Variants in COL27A1 observed in about 807,000 individuals in gnomAD.
The protein encoded by COL27A1 is collagen type XXVII alpha 1 chain, also known as collagen alpha-1(XXVII) chain.
Under a neutral mutation model 251.3 loss-of-function variants are expected in COL27A1, and 106 were observed. That is an observed-to-expected ratio of 0.42 (90% confidence interval 0.36 to 0.50). The LOEUF (loss-of-function observed/expected upper bound fraction) is 0.50, where lower values mean the gene tolerates loss of function less well. COL27A1 is among the 20% of genes least tolerant of loss of function. The probability of loss-of-function intolerance (pLI) is 0.00; values close to 1 mark genes in which losing one functional copy is unlikely to be tolerated. For synonymous variants in COL27A1, 1,000 were observed against 986.3 expected, an observed-to-expected ratio of 1.01 and a Z score of -0.26; for missense variants, 2,325 against 2,522.8, an observed-to-expected ratio of 0.92 and a Z score of 1.68.
chr9:114,245,214 G>T (rs1221338070), intron 23 of COL27A1, among the ~76,000 whole-genome samples: 1 of 144,260 alleles, frequency 6.9e-6, no homozygotes, highest in Non-Finnish European at 1.5e-5. Context: ...GGAGTACAGT[G>T]GTGCAATCTC....
chr9:114,256,415 C>A (rs1450346632), intron 27 of COL27A1, among the ~76,000 whole-genome samples: 1 of 152,194 alleles, frequency 6.6e-6, no homozygotes, highest in African/African-American at 2.4e-5. Context: ...ATGGTGTGAA[C>A]CTGGGAGGCG....
chr9:114,262,354 A>C (rs1188055025), intron 28 of COL27A1, among the ~76,000 whole-genome samples: 2 of 152,214 alleles, frequency 1.3e-5, no homozygotes, highest in African/African-American at 2.4e-5. Flanking sequence ...CGTAATGCCC[A>C]CTAGAGATGG....
intron 59 of COL27A1, 77 bp downstream of exon 59, chr9:114,307,855 G>C: frequency 9.7e-7 from 1 of 1,026,562 alleles, no homozygotes; most frequent in East Asian, 2.4e-5. Flanking sequence ...AACCAACCCA[G>C]GTTCTGTTCT....
At chr9:114,181,328 G>T (rs868242802) in intron 4 of COL27A1, among the ~76,000 whole-genome samples, 2 of 152,290 alleles carry the variant, frequency 1.3e-5, no homozygotes, top group South Asian at 4.1e-4. Context: ...AACTCCCCAG[G>T]CTCAGTGTGC....
intron 28 of COL27A1, among the ~76,000 whole-genome samples, chr9:114,263,403 C>G (rs1834494011): frequency 6.6e-6 from 1 of 152,122 alleles, no homozygotes; most frequent in Non-Finnish European, 1.5e-5. Flanking sequence ...GGGCTGGCCT[C>G]CTCCACAGGA....
intron 23 of COL27A1, among the ~76,000 whole-genome samples, chr9:114,245,581 A>G (rs1234039749): frequency 2.0e-5 from 3 of 152,162 alleles, no homozygotes; most frequent in East Asian, 1.9e-4. Context: ...ACAAAATGCA[A>G]TGGGCTTCTG....
chr9:114,269,140 C>T, intron 34 of COL27A1, 101 bp from the exon 35 acceptor site: 3 of 700,198 alleles, frequency 4.3e-6, no homozygotes, highest in South Asian at 2.5e-5. Flanking sequence ...CCAGCTCCTC[C>T]TCCCACACCC....
Position 114,310,779 on chromosome 9 carries a change from C to T in COL27A1, c.*84C>T, listed in dbSNP as rs950094474. 1 of 1,449,922 alleles carries T rather than the reference C, an allele frequency of 6.9e-7. No homozygotes were observed. Among genetic ancestry groups the T allele is most frequent in the Non-Finnish European group, 9.5e-7 (1 of 1,054,522 alleles). 89.8% of individuals were successfully genotyped at this position (1,449,922 alleles called of 1,614,324 possible). On this transcript the variant is annotated 3_prime_UTR_variant, in exon 61 of 61. Transcript: ENST00000356083. The stretch of plus-strand genomic sequence containing the variant: ...GAGGGTACTGAGGGGCAGATGGCTC[C>T]AGGAGAGGCAGCTCCCCTGCCCAAG...
Position 114,288,800 on chromosome 9 carries a change from G to C in COL27A1, c.4098+45G>C, listed in dbSNP as rs750111770. 36 of 1,602,686 alleles carry C rather than the reference G, an allele frequency of 2.2e-5. No individual in the cohort carries two copies. In the Admixed American group the frequency reaches 2.5e-4, roughly 11 times the overall value. Reference sequence around the variant, plus strand: ...CCTGCTGGCAGGATCGGGCATGTCAGGGAGAGGGGGGATGACACATGTCTA... The same window carrying C: ...CCTGCTGGCAGGATCGGGCATGTCACGGAGAGGGGGGATGACACATGTCTA... On this transcript the variant is annotated intron_variant, in intron 43 of 60. Coordinates refer to ENST00000356083, the MANE Select transcript of COL27A1 (RefSeq NM_032888.4).
Position 114,275,643 on chromosome 9 carries a change from T to G in COL27A1, c.3610-18T>G, listed in dbSNP as rs374625430. On this transcript the variant is annotated intron_variant, in intron 36 of 60. Transcript: ENST00000356083. ...CTTATTCTCTCTCTCTCTCCCCTCT[T>G]CATGCCCTGCCACCCAGGGGGACAG... The G allele has an allele frequency of 2.9e-4, 442 of 1,518,594 alleles. 4 individuals carry two copies. The African/African-American group carries it at 5.5e-3, about 19-fold the overall frequency. The allele number at this position is 1,518,594 out of a possible 1,614,324, so 94.1% of individuals were successfully genotyped here.
At chr9:114,308,374 C>T (rs1829208599) in intron 59 of COL27A1, among the ~76,000 whole-genome samples, 4 of 152,248 alleles carry the variant, frequency 2.6e-5, no homozygotes, top group Admixed American at 2.6e-4. Flanking sequence ...GCTGCTCCGA[C>T]TGCGGGGGAA....
At chr9:114,265,287 TG>T in intron 31 of COL27A1, 134 bp from the exon 32 acceptor site, 1 of 1,106,792 alleles carries the variant, frequency 9.0e-7, no homozygotes, top group Non-Finnish European at 1.3e-6. Flanking sequence ...CTCTCTTCTC[TG>T]GGTCTCAGCC....
At chr9:114,199,220 G>T (rs1363970747) in intron 7 of COL27A1, among the ~76,000 whole-genome samples, 1 of 152,116 alleles carries the variant, frequency 6.6e-6, no homozygotes, top group Non-Finnish European at 1.5e-5. Flanking sequence ...AGTTGGCAGT[G>T]TCTGGAGATA....
At chr9:114,218,677 A>G (rs1276388322) in intron 12 of COL27A1, 4 of 152,168 alleles carry the variant, frequency 2.6e-5, no homozygotes, top group Non-Finnish European at 5.9e-5. Flanking sequence ...ATCCAAGAGG[A>G]CTTCCTGGCA....
chr9:114,155,621 G>A lies in COL27A1; in HGVS notation c.-330G>A, dbSNP rs1474492388. On this transcript the variant is annotated 5_prime_UTR_variant, in exon 1 of 61. Coordinates refer to ENST00000356083, the MANE Select transcript of COL27A1 (RefSeq NM_032888.4). This position sits in a 1 kb window ranked among gnomAD's most constrained non-coding sequence, Gnocchi z 5.5. ...CTCACCCGGCCTTGCTCTGCCTCCG[G>A]GGACCGCCAGCAGCCCGCCTCCAAA... The A allele has an allele frequency of 6.6e-6, 1 of 152,346 alleles. No individual in the cohort carries two copies. The highest frequency in any genetic ancestry group is 1.9e-4 in the East Asian group (1 of 5,176). The allele number at this position is 152,346 out of a possible 1,614,324, so 9.4% of individuals were successfully genotyped here. A position where few individuals can be genotyped will look rare whatever the true frequency, so the allele number is the denominator to read the frequency against.
At chr9:114,304,575 C>A in intron 56 of COL27A1, 33 bp from the exon 57 acceptor site, 1 of 1,610,748 alleles carries the variant, frequency 6.2e-7, no homozygotes, top group Non-Finnish European at 8.5e-7. Flanking sequence ...CCCTGGGGGG[C>A]CACGATACAT....
At chr9:114,220,959 C>T (rs1272702962) in intron 13 of COL27A1, among the ~76,000 whole-genome samples, 2 of 146,418 alleles carry the variant, frequency 1.4e-5, no homozygotes, top group African/African-American at 2.5e-5. Flanking sequence ...CACGCCACTA[C>T]ACTCCAGCCT....
chr9:114,257,022 CT>C, intron 27 of COL27A1, among the ~76,000 whole-genome samples: 1 of 152,308 alleles, frequency 6.6e-6, no homozygotes, highest in Admixed American at 6.5e-5. Context: ...ACCCTGCTTG[CT>C]CTACTGACGA....
intron 13 of COL27A1, among the ~76,000 whole-genome samples, chr9:114,220,351 G>A (rs749265920): frequency 1.3e-5 from 2 of 152,192 alleles, no homozygotes; most frequent in African/African-American, 2.4e-5. Flanking sequence ...CTGCCCTGGG[G>A]AGCCGAGTCT....
Sources: gnomAD v4.1 joint callset for allele counts (sites outside exome capture counted in the v4.1 genomes callset) on GRCh38, gnomAD v4.1.1 for gene constraint, Gnocchi (gnomAD v3.1) non-coding constraint, MANE v1.5 for transcripts, NCBI Gene and HGNC (gene_info 2026-07-23, HGNC 2026-07-21) for gene names.